Variants in TMPRSS9 observed in about 807,000 individuals in gnomAD.
The protein encoded by TMPRSS9 is transmembrane serine protease 9, also known as transmembrane protease serine 9.
A neutral mutation model predicts 111.4 loss-of-function variants in TMPRSS9; 113 were observed. The ratio of observed to expected loss-of-function variants is 1.01; its 90% CI spans 0.87 to 1.19. The LOEUF is 1.19. Among genes scored for constraint, TMPRSS9 ranks in the 50% most tolerant of loss-of-function variants. The pLI, the probability that TMPRSS9 is intolerant of heterozygous loss-of-function variation, is 0.00. For missense variants in TMPRSS9, 1,803 were observed against 1,513.1 expected (o/e 1.19, Z -3.18); for synonymous variants, 805 against 659.1 (o/e 1.22, Z -3.39).
intron 1 of TMPRSS9, among the ~76,000 whole-genome samples, chr19:2,364,226 C>A (rs1168257460): frequency 6.7e-6 from 1 of 150,242 alleles, no homozygotes; most frequent in African/African-American, 2.5e-5. Context: ...ATGAAAGACG[C>A]ATAAATAGAA....
At chr19:2,362,780 ATGG>A (rs1218901609) in intron 1 of TMPRSS9, among the ~76,000 whole-genome samples, 2 of 150,710 alleles carry the variant, frequency 1.3e-5, no homozygotes, top group Non-Finnish European at 3.0e-5. Flanking sequence ...TAATTTGTGG[ATGG>A]TGGAGTGAGG....
chr19:2,418,394 C>T (rs1971332459), intron 13 of TMPRSS9, among the ~76,000 whole-genome samples: 2 of 31,386 alleles, frequency 6.4e-5, no homozygotes, highest in African/African-American at 3.0e-4. Context: ...TCCTTCCCTC[C>T]CTGGCCTTTC....
intron 13 of TMPRSS9, among the ~76,000 whole-genome samples, chr19:2,420,124 T>G (rs1403718910): frequency 1.3e-5 from 2 of 151,962 alleles, no homozygotes; most frequent in Non-Finnish European, 2.9e-5. Flanking sequence ...ATCACACAGC[T>G]GCACTCCATC....
chr19:2,389,285 G>A (rs1007246719), upstream of TMPRSS9, among the ~76,000 whole-genome samples: 9 of 151,168 alleles, frequency 6.0e-5, no homozygotes, highest in Non-Finnish European at 1.2e-4. Flanking sequence ...ATGTTGGCCA[G>A]GCTGGTCTCA....
chr19:2,417,058 A>C (rs1971256985), intron 12 of TMPRSS9, among the ~76,000 whole-genome samples: 1 of 152,206 alleles, frequency 6.6e-6, no homozygotes, highest in Admixed American at 6.6e-5. Flanking sequence ...CCATGTTCAC[A>C]CATCAACAGA....
chr19:2,416,610 G>T, exon 12 of TMPRSS9: 7 of 1,612,760 alleles, frequency 4.3e-6, no homozygotes, highest in Non-Finnish European at 5.9e-6. Flanking sequence ...GCCCGGTGAA[G>T]ATCGGGCTGC....
Position 2,398,724 on chromosome 19 carries a change from G to C in TMPRSS9, c.271-71G>C, listed in dbSNP as rs1394097241. ...CCTTCTCCAGCTCCCTCCAACACCT[G>C]ACAGGCCTCTGCAGTGCCAGGGTGC... On this transcript the variant is annotated intron_variant, in intron 2 of 17. Coordinates refer to ENST00000648592, the Ensembl canonical transcript of TMPRSS9. 6 of 1,138,670 alleles carry C rather than the reference G, an allele frequency of 5.3e-6. No homozygotes were observed. The East Asian group carries it at 2.9e-4, about 55-fold the overall frequency. The allele number at this position is 1,138,670 out of a possible 1,614,324, so 70.5% of individuals were successfully genotyped here.
At chr19:2,393,761 A>G (rs12980665) in intron 1 of TMPRSS9, among the ~76,000 whole-genome samples, 49,460 of 151,256 alleles carry the variant, frequency 0.33, 8,597 homozygotes, top group East Asian at 0.6. Flanking sequence ...AGCTGGGCAG[A>G]CTGGTACGCG....
At chr19:2,370,783 C>T (rs549407218) in intron 1 of TMPRSS9, among the ~76,000 whole-genome samples, 2 of 152,056 alleles carry the variant, frequency 1.3e-5, no homozygotes, top group African/African-American at 4.8e-5. Context: ...CATTGCAAGA[C>T]CTCGTCTCTA....
rs1198330470 is a variant in TMPRSS9 at position 2,396,748 on chromosome 19, A to T, written c.270+82A>T. 3.3e-6 allele frequency: 5 copies of T among 1,498,570 alleles called. No homozygotes were observed. The African/African-American group carries it at 6.8e-5, about 21-fold the overall frequency. 92.8% of individuals were successfully genotyped at this position (1,498,570 alleles called of 1,614,324 possible). On this transcript the variant is annotated intron_variant, in intron 2 of 17. Coordinates refer to ENST00000648592, the Ensembl canonical transcript of TMPRSS9. ...GACCTGGAGGTGCTTTCCGTGTGGG[A>T]GGGAGGCAGGCCACAGGCAACGAAG... is the stretch of plus-strand genomic sequence containing the variant.
At chr19:2,424,580 C>T (rs1971558113) in intron 15 of TMPRSS9, among the ~76,000 whole-genome samples, 1 of 149,816 alleles carries the variant, frequency 6.7e-6, no homozygotes, top group Non-Finnish European at 1.5e-5. Flanking sequence ...ACATTGGGGT[C>T]ACTTCTTTCC....
chr19:2,367,069 A>C (rs1006371728), intron 1 of TMPRSS9, among the ~76,000 whole-genome samples: 5 of 152,104 alleles, frequency 3.3e-5, no homozygotes, highest in Admixed American at 2.6e-4. Flanking sequence ...AGGGAGAGAA[A>C]GAACAAAGCC....
chr19:2,419,533 T>C (rs959658278), intron 13 of TMPRSS9, among the ~76,000 whole-genome samples: 2 of 150,046 alleles, frequency 1.3e-5, no homozygotes, highest in Non-Finnish European at 3.0e-5. Flanking sequence ...TTTTTTTTTT[T>C]TGAGATGGAG....
At chr19:2,397,324 T>G (rs938581500) in intron 2 of TMPRSS9, among the ~76,000 whole-genome samples, 3 of 151,998 alleles carry the variant, frequency 2.0e-5, no homozygotes, top group African/African-American at 7.2e-5. Context: ...GGAGTCTTGC[T>G]CTGTTGTCCA....
At chr19:2,413,444 G>C (rs116489278) in intron 9 of TMPRSS9, among the ~76,000 whole-genome samples, 86 of 152,242 alleles carry the variant, frequency 5.6e-4, no homozygotes, top group African/African-American at 2.0e-3. Flanking sequence ...TTTGGGTCAC[G>C]TTTTGGCCTG....
intron 1 of TMPRSS9, among the ~76,000 whole-genome samples, chr19:2,370,802 T>TA (rs927143637): frequency 3.3e-5 from 5 of 149,402 alleles, no homozygotes; most frequent in East Asian, 2.0e-4. Flanking sequence ...TACAAAAACT[T>TA]AAAAAAAAAA....
chr19:2,377,179 G>A (rs894267452), intron 1 of TMPRSS9, among the ~76,000 whole-genome samples: 3 of 150,678 alleles, frequency 2.0e-5, no homozygotes, highest in Non-Finnish European at 4.4e-5. Context: ...AATGGCCACC[G>A]GCTGTGACGG....
chr19:2,397,461 AAC>A (rs1245244053), intron 2 of TMPRSS9, among the ~76,000 whole-genome samples: 1 of 152,038 alleles, frequency 6.6e-6, no homozygotes, highest in Non-Finnish European at 1.5e-5. Flanking sequence ...TGAACAGGGA[AAC>A]ACAGCGTGGC....
At chr19:2,407,796 T>A (rs1599301553) in intron 7 of TMPRSS9, among the ~76,000 whole-genome samples, 2 of 150,858 alleles carry the variant, frequency 1.3e-5, no homozygotes, top group East Asian at 2.0e-4. Context: ...ATATATATAT[T>A]TTTTCTGAGA....
Sources: gnomAD v4.1 joint callset for allele counts (sites outside exome capture counted in the v4.1 genomes callset) on GRCh38, gnomAD v4.1.1 for gene constraint, MANE v1.5 for transcripts, NCBI Gene and HGNC (gene_info 2026-07-23, HGNC 2026-07-21) for gene names.